The following ACBD6 variants were observed in gnomAD, a reference collection of about 807,000 sequenced individuals.
ACBD6 encodes acyl-CoA binding domain containing 6.
Under a neutral mutation model 37.2 loss-of-function variants are expected in ACBD6, and 28 were observed. The ratio of observed to expected loss-of-function variants is 0.75; its 90% CI spans 0.56 to 1.03. The LOEUF is 1.03. ACBD6 is among the 50% of genes least tolerant of loss of function. The pLI, the probability that ACBD6 is intolerant of heterozygous loss-of-function variation, is 0.00. For synonymous variants in ACBD6, 113 were observed against 126.8 expected (o/e 0.89, Z 0.73); for missense variants, 340 against 337.4 (o/e 1.01, Z -0.06).
intron 6 of ACBD6, among the ~76,000 whole-genome samples, chr1:180,390,575 T>C (rs1442273052): frequency 6.6e-6 from 1 of 152,106 alleles, no homozygotes; most frequent in Non-Finnish European, 1.5e-5. Context: ...TGGCATTGAA[T>C]CTATAAATTA....
chr1:180,326,816 T>A (rs1169131469), intron 6 of ACBD6, among the ~76,000 whole-genome samples: 1 of 152,152 alleles, frequency 6.6e-6, no homozygotes, highest in Admixed American at 6.5e-5. Flanking sequence ...TGGGTTCCCT[T>A]CTGACCCAGG....
chr1:180,294,042 G>T (rs901062266), intron 7 of ACBD6, among the ~76,000 whole-genome samples: 2 of 151,942 alleles, frequency 1.3e-5, no homozygotes, highest in African/African-American at 4.8e-5. Flanking sequence ...TTACAGGTGC[G>T]CACCACCACA....
chr1:180,502,357 G>A lies in ACBD6; in HGVS notation c.-91C>T. The A allele has an allele frequency of 7.0e-7, 1 of 1,433,866 alleles. No individual in the cohort carries two copies. Among genetic ancestry groups the A allele is most frequent in the Non-Finnish European group, 9.6e-7 (1 of 1,036,710 alleles). 88.8% of individuals were successfully genotyped at this position (1,433,866 alleles called of 1,614,324 possible). On this transcript the variant is annotated 5_prime_UTR_variant, in exon 1 of 8. Transcript: ENST00000367595. ...TTGGAGGCCTGGCCCACCAGTCTGG[G>A]TCGCGAGCCTGAGCTCCAGTCGGAC...
At chr1:180,447,205 CTAA>C (rs1014789095) in intron 3 of ACBD6, among the ~76,000 whole-genome samples, 5 of 152,048 alleles carry the variant, frequency 3.3e-5, no homozygotes, top group Admixed American at 2.0e-4. Context: ...TCAGCCTTTC[CTAA>C]TATTTTTTGT....
At chr1:180,495,418 G>A in intron 2 of ACBD6, 43 bp downstream of exon 2, 1 of 1,411,414 alleles carries the variant, frequency 7.1e-7, no homozygotes, top group South Asian at 1.2e-5. Context: ...AAACACCTAA[G>A]CCATTTCCAA....
intron 3 of ACBD6, among the ~76,000 whole-genome samples, chr1:180,472,120 A>G (rs199498842): frequency 6.6e-6 from 1 of 152,222 alleles, no homozygotes; most frequent in East Asian, 1.9e-4. Context: ...GCCAGACCTG[A>G]GGAGCTCCAA....
At position 180,434,737 on chromosome 1, in the gene ACBD6, G is replaced by T. The variant is rs528087363; in HGVS notation, c.385-4475C>A. 1,405 of 550,892 alleles carry T rather than the reference G, an allele frequency of 2.6e-3. 12 individuals are homozygous for T. The highest frequency in any genetic ancestry group is 0.023 in the African/African-American group (1,230 of 52,658). The allele number at this position is 550,892 out of a possible 1,614,324, so 34.1% of individuals were successfully genotyped here. On this transcript the variant is annotated intron_variant, in intron 3 of 7. Coordinates refer to ENST00000367595, the MANE Select transcript of ACBD6 (RefSeq NM_032360.4). Reference sequence around the variant, plus strand: ...AATGTATTAATAAACTAGGAATAGAGTAAAACTACCTCAACAGGCCATAGC... The same window carrying T: ...AATGTATTAATAAACTAGGAATAGATTAAAACTACCTCAACAGGCCATAGC...
At chr1:180,475,076 T>A (rs1241550658) in intron 3 of ACBD6, among the ~76,000 whole-genome samples, 1 of 152,234 alleles carries the variant, frequency 6.6e-6, no homozygotes, top group African/African-American at 2.4e-5. Flanking sequence ...AGCATCCAGA[T>A]CAAGAAATAG....
At chr1:180,491,530 T>C (rs1651502499) in intron 3 of ACBD6, among the ~76,000 whole-genome samples, 1 of 152,196 alleles carries the variant, frequency 6.6e-6, no homozygotes, top group Admixed American at 6.5e-5. Flanking sequence ...TAAAGATATA[T>C]ATTTTGATAT....
At chr1:180,388,721 G>T (rs1653948269) in intron 6 of ACBD6, among the ~76,000 whole-genome samples, 1 of 151,980 alleles carries the variant, frequency 6.6e-6, no homozygotes, top group Non-Finnish European at 1.5e-5. Context: ...GATTACAGGT[G>T]TGACCCATCA....
At chr1:180,490,355 A>G (rs1236029228) in intron 3 of ACBD6, among the ~76,000 whole-genome samples, 1 of 152,316 alleles carries the variant, frequency 6.6e-6, no homozygotes, top group Admixed American at 6.5e-5. Flanking sequence ...ACTCATGCAC[A>G]TCAGAAACAT....
chr1:180,396,842 G>A (rs1329187647), intron 6 of ACBD6, among the ~76,000 whole-genome samples: 8 of 152,184 alleles, frequency 5.3e-5, no homozygotes, highest in African/African-American at 1.7e-4. Context: ...ATACACAGCT[G>A]CTGGGCATGA....
intron 3 of ACBD6, among the ~76,000 whole-genome samples, chr1:180,490,644 G>A (rs1476819428): frequency 1.3e-5 from 2 of 151,734 alleles, no homozygotes; most frequent in African/African-American, 2.4e-5. Flanking sequence ...AAATTAACCG[G>A]GTGTGGTGGT....
intron 6 of ACBD6, among the ~76,000 whole-genome samples, chr1:180,353,988 C>T (rs1367863610): frequency 1.3e-5 from 2 of 152,144 alleles, no homozygotes; most frequent in South Asian, 2.1e-4. Flanking sequence ...CAAATGCTTT[C>T]GTATGGATGA....
intron 6 of ACBD6, among the ~76,000 whole-genome samples, chr1:180,373,337 G>C (rs1006493462): frequency 6.6e-6 from 1 of 152,070 alleles, no homozygotes; most frequent in African/African-American, 2.4e-5. Flanking sequence ...AGTTTCATTA[G>C]AGAGTAACTC....
At position 180,288,289 on chromosome 1, in the gene ACBD6, A is replaced by C; in HGVS notation, c.*74T>G. 6.3e-7 allele frequency: 1 copy of C among 1,598,054 alleles called. No homozygotes were observed. Among genetic ancestry groups the C allele is most frequent in the South Asian group, 1.1e-5 (1 of 89,720 alleles). On this transcript the variant is annotated 3_prime_UTR_variant, in exon 8 of 8. Coordinates refer to ENST00000367595, the MANE Select transcript of ACBD6 (RefSeq NM_032360.4). ...ACATACCAAAGACGGGTGGAAAAGA[A>C]GTATTATTTTTGTAGTTTTCTTTCA...
At chr1:180,289,611 T>C (rs1441542343) in intron 7 of ACBD6, among the ~76,000 whole-genome samples, 7 of 152,140 alleles carry the variant, frequency 4.6e-5, no homozygotes, top group Non-Finnish European at 8.8e-5. Flanking sequence ...TTGCATATGT[T>C]CTCCAGGAGA....
At chr1:180,421,264 G>A (rs572764785) in intron 4 of ACBD6, among the ~76,000 whole-genome samples, 30 of 152,286 alleles carry the variant, frequency 2.0e-4, no homozygotes, top group African/African-American at 7.2e-4. Context: ...AGAACATGTG[G>A]TGTTTGGTTT....
At chr1:180,501,398 G>C (rs975373939) in intron 1 of ACBD6, among the ~76,000 whole-genome samples, 8 of 152,208 alleles carry the variant, frequency 5.3e-5, no homozygotes, top group Middle Eastern at 3.4e-3. Flanking sequence ...GCCCAGGCTG[G>C]AGTGCAATGG....
Sources: gnomAD v4.1 joint callset for allele counts (sites outside exome capture counted in the v4.1 genomes callset) on GRCh38, gnomAD v4.1.1 for gene constraint, MANE v1.5 for transcripts, NCBI Gene and HGNC (gene_info 2026-07-23, HGNC 2026-07-21) for gene names.